TENM3: variants seen among roughly 807,000 people sequenced by gnomAD.
The protein encoded by TENM3 is teneurin transmembrane protein 3, also known as teneurin-3.
A neutral mutation model predicts 255.1 loss-of-function variants in TENM3; 63 were observed. The observed-to-expected ratio is 0.25, with a 90% CI of 0.20 to 0.30. TENM3 has a LOEUF of 0.30. Ranked by LOEUF, TENM3 falls within the 10% of genes least tolerant of loss-of-function variation. The probability of loss-of-function intolerance (pLI) is 1.00; values close to 1 mark genes in which losing one functional copy is unlikely to be tolerated. For missense variants in TENM3, 2,929 were observed against 3,461.1 expected, an observed-to-expected ratio of 0.85 and a Z score of 3.86; for synonymous variants, 1,306 against 1,322.3, an observed-to-expected ratio of 0.99 and a Z score of 0.27.
At chr4:181,475,054 T>C in the TENM3 span, among the ~76,000 whole-genome samples, 1 of 152,246 alleles carries the variant, frequency 6.6e-6, no homozygotes, top group African/African-American at 2.4e-5. Flanking sequence ...AGATCTATTT[T>C]ATAAGACAAT....
chr4:181,497,177 T>G, the TENM3 span, among the ~76,000 whole-genome samples: 162 of 152,272 alleles, frequency 1.1e-3, no homozygotes, highest in African/African-American at 3.7e-3. Context: ...TATTTAATCT[T>G]CATTCTAATA....
chr4:182,505,566 C>T (rs1300766674), intron 3 of TENM3, among the ~76,000 whole-genome samples: 1 of 152,098 alleles, frequency 6.6e-6, no homozygotes, highest in East Asian at 1.9e-4. Flanking sequence ...GCAACCTCCA[C>T]CTCCCAGGTT....
At chr4:181,544,616 T>C in the TENM3 span, among the ~76,000 whole-genome samples, 742 of 152,248 alleles carry the variant, frequency 4.9e-3, 5 homozygotes, top group African/African-American at 0.017. Flanking sequence ...ATATTAGTTC[T>C]AGCAACGCAT....
At chr4:181,995,100 C>A in the TENM3 span, among the ~76,000 whole-genome samples, 3 of 152,152 alleles carry the variant, frequency 2.0e-5, no homozygotes, top group Non-Finnish European at 4.4e-5. Flanking sequence ...ACTAGCCTAG[C>A]CAACACGGTG....
At chr4:181,507,208 C>G in the TENM3 span, among the ~76,000 whole-genome samples, 2 of 152,202 alleles carry the variant, frequency 1.3e-5, no homozygotes, top group Non-Finnish European at 2.9e-5. Flanking sequence ...AGATTCATCT[C>G]TATCCCACAG....
intron 24 of TENM3, among the ~76,000 whole-genome samples, chr4:182,783,506 A>T (rs1054449375): frequency 2.0e-5 from 3 of 151,582 alleles, no homozygotes; most frequent in African/African-American, 7.3e-5. Context: ...CTTCATTTCA[A>T]CTTTGGTGAA....
the TENM3 span, among the ~76,000 whole-genome samples, chr4:182,082,444 C>T: frequency 6.6e-6 from 1 of 152,188 alleles, no homozygotes; most frequent in Non-Finnish European, 1.5e-5. Flanking sequence ...CAATAATGTA[C>T]ATTCATGTAC....
the TENM3 span, among the ~76,000 whole-genome samples, chr4:182,105,750 G>A: frequency 6.6e-6 from 1 of 152,164 alleles, no homozygotes. Context: ...TTATGTAGCG[G>A]ATTGATTGAT....
intron 22 of TENM3, among the ~76,000 whole-genome samples, chr4:182,756,181 G>T (rs1000025476): frequency 6.6e-6 from 1 of 152,212 alleles, no homozygotes; most frequent in Non-Finnish European, 1.5e-5. Flanking sequence ...ACGTAGAAGG[G>T]CTTAAGTTTT....
chr4:181,500,537 T>C, the TENM3 span, among the ~76,000 whole-genome samples: 1 of 152,184 alleles, frequency 6.6e-6, no homozygotes, highest in Non-Finnish European at 1.5e-5. Flanking sequence ...ACAATTGAGA[T>C]GCTTACACTA....
the TENM3 span, among the ~76,000 whole-genome samples, chr4:181,842,637 A>C: frequency 6.6e-6 from 1 of 152,366 alleles, no homozygotes; most frequent in African/African-American, 2.4e-5. Context: ...TAAGATGTTA[A>C]GAGGTCACCT....
chr4:181,604,382 G>A, the TENM3 span, among the ~76,000 whole-genome samples: 2 of 152,138 alleles, frequency 1.3e-5, no homozygotes, highest in Non-Finnish European at 2.9e-5. Context: ...CAGAAATTTC[G>A]CTTGCATTTG....
intron 1 of TENM3, among the ~76,000 whole-genome samples, chr4:182,211,567 G>A (rs1436146197): frequency 6.6e-6 from 1 of 152,124 alleles, no homozygotes; most frequent in Non-Finnish European, 1.5e-5. Flanking sequence ...GTAAGACTTC[G>A]TAGGCTGTTC....
At chr4:181,948,764 C>T in the TENM3 span, among the ~76,000 whole-genome samples, 2 of 152,088 alleles carry the variant, frequency 1.3e-5, no homozygotes, top group African/African-American at 2.4e-5. Flanking sequence ...TCTCTGGTGG[C>T]TGAAAAGTAC....
chr4:181,668,602 C>T, the TENM3 span, among the ~76,000 whole-genome samples: 1 of 152,070 alleles, frequency 6.6e-6, no homozygotes, highest in Admixed American at 6.6e-5. Flanking sequence ...GCCCAAATGT[C>T]CCCTTTTTCT....
At chr4:181,779,961 A>G in the TENM3 span, among the ~76,000 whole-genome samples, 1 of 152,238 alleles carries the variant, frequency 6.6e-6, no homozygotes, top group African/African-American at 2.4e-5. Flanking sequence ...TACAAAGGAC[A>G]TGAACTCATC....
the TENM3 span, among the ~76,000 whole-genome samples, chr4:181,453,351 T>C: frequency 6.6e-6 from 1 of 152,158 alleles, no homozygotes; most frequent in Non-Finnish European, 1.5e-5. Flanking sequence ...ATTGTCTGAA[T>C]TCTATATTTC....
Position 182,793,935 on chromosome 4 carries a change from T to A in TENM3, c.7213+50T>A. 6.8e-7 allele frequency: 1 copy of A among 1,470,726 alleles called. No homozygotes were observed. Among genetic ancestry groups the A allele is most frequent in the Non-Finnish European group, 9.1e-7 (1 of 1,094,578 alleles). 91.1% of individuals were successfully genotyped at this position (1,470,726 alleles called of 1,614,324 possible). A position where few individuals can be genotyped will look rare whatever the true frequency, so the allele number is the denominator to read the frequency against. On this transcript the variant is annotated intron_variant, in intron 26 of 27. Coordinates refer to ENST00000511685, the MANE Select transcript of TENM3 (RefSeq NM_001080477.4). This position sits in a 1 kb window ranked among gnomAD's most constrained non-coding sequence, Gnocchi z 5.7. ...GAGCTGGAGGACTACCATCATTAGA[T>A]TAATACACAAAATAACTGGAAATGC...
the TENM3 span, among the ~76,000 whole-genome samples, chr4:182,096,498 A>C: frequency 6.6e-6 from 1 of 152,232 alleles, no homozygotes; most frequent in African/African-American, 2.4e-5. Flanking sequence ...AAATGATAGA[A>C]TTAAAATATC....
Sources: gnomAD v4.1 joint callset for allele counts (sites outside exome capture counted in the v4.1 genomes callset) on GRCh38, gnomAD v4.1.1 for gene constraint, Gnocchi (gnomAD v3.1) non-coding constraint, MANE v1.5 for transcripts, NCBI Gene and HGNC (gene_info 2026-07-23, HGNC 2026-07-21) for gene names.